DPYD: variants seen among roughly 807,000 people sequenced by gnomAD.
DPYD encodes the protein dihydropyrimidine dehydrogenase [NADP(+)].
DPYD carries 109 observed loss-of-function variants against 116.2 expected under a neutral mutation model. The ratio of observed to expected loss-of-function variants is 0.94; its 90% CI spans 0.80 to 1.10. The LOEUF (loss-of-function observed/expected upper bound fraction) is 1.10. Ranked by LOEUF, DPYD falls within the 50% of genes least tolerant of loss-of-function variation. The probability of loss-of-function intolerance (pLI) is 0.00; values close to 1 mark genes in which losing one functional copy is unlikely to be tolerated. For synonymous variants in DPYD, 440 were observed against 432.0 expected, an observed-to-expected ratio of 1.02 and a Z score of -0.23; for missense variants, 1,302 against 1,254.5, an observed-to-expected ratio of 1.04 and a Z score of -0.57.
chr1:97,217,832 A>G (rs1179605005), intron 19 of DPYD, among the ~76,000 whole-genome samples: 2 of 152,180 alleles, frequency 1.3e-5, no homozygotes, highest in Non-Finnish European at 2.9e-5. Context: ...AAAGCGGGGC[A>G]ACACCAGGGT....
intron 2 of DPYD, among the ~76,000 whole-genome samples, chr1:97,833,432 A>C (rs533538093): frequency 6.6e-6 from 1 of 152,168 alleles, no homozygotes; most frequent in Non-Finnish European, 1.5e-5. Context: ...AGAGATGACT[A>C]TGAGTTTGTT....
At chr1:97,269,828 AGG>A (rs780068481) in intron 18 of DPYD, among the ~76,000 whole-genome samples, 1 of 152,034 alleles carries the variant, frequency 6.6e-6, no homozygotes, top group Middle Eastern at 3.2e-3. Flanking sequence ...GTCACATTGG[AGG>A]TTAGGAGGTT....
At chr1:97,602,090 T>A (rs1655283788) in intron 8 of DPYD, among the ~76,000 whole-genome samples, 1 of 151,992 alleles carries the variant, frequency 6.6e-6, no homozygotes, top group Non-Finnish European at 1.5e-5. Flanking sequence ...ACAAGATTCT[T>A]TTTGTACACC....
Position 97,620,665 on chromosome 1 carries a change from T to C in DPYD, c.851-25499A>G, listed in dbSNP as rs949582959. On this transcript the variant is annotated intron_variant, in intron 8 of 22. Transcript: ENST00000370192. ...CTGGATATCTGGACAGGAATCCACA[T>C]TTACCTTTTATATTGTTCATAATTT... Among the ~76,000 whole-genome samples the C allele has an allele frequency of 2.0e-5, 3 of 152,290 alleles. No individual in the cohort carries two copies. In the South Asian group the frequency reaches 6.2e-4, roughly 32 times the overall value.
chr1:97,591,413 A>G (rs1441020653), intron 10 of DPYD, among the ~76,000 whole-genome samples: 3 of 152,228 alleles, frequency 2.0e-5, no homozygotes, highest in Non-Finnish European at 4.4e-5. Context: ...TGACTGTTGT[A>G]TCTAAGTTGC....
At chr1:97,736,650 A>G (rs1468458329) in intron 4 of DPYD, among the ~76,000 whole-genome samples, 5 of 152,176 alleles carry the variant, frequency 3.3e-5, no homozygotes, top group Non-Finnish European at 7.3e-5. Flanking sequence ...ACCCACTCAC[A>G]TTGATATTCT....
rs185797211 is a variant in DPYD at position 97,611,650 on chromosome 1, C to A, written c.851-16484G>T. Among the ~76,000 whole-genome samples the A allele has an allele frequency of 8.0e-3, 1,223 of 152,080 alleles. 8 individuals carry two copies. The highest frequency in any genetic ancestry group is 0.041 in the Middle Eastern group (12 of 294). The stretch of plus-strand genomic sequence containing the variant: ...GTTTTCAAACATTCACAATGCATCA[C>A]GTACTGTGCTAGACAAATCCGAGCC... On this transcript the variant is annotated intron_variant, in intron 8 of 22. Coordinates refer to ENST00000370192, the MANE Select transcript of DPYD (RefSeq NM_000110.4).
Position 97,546,455 on chromosome 1 carries a change from G to T in DPYD, c.1524+3105C>A, listed in dbSNP as rs1386259600. On this transcript the variant is annotated intron_variant, in intron 12 of 22. Transcript: ENST00000370192. The stretch of plus-strand genomic sequence containing the variant: ...GATTCCTGAAGTGAGAAAGATGATG[G>T]TAGTGACAGAGACTCTGATAGAGAG... 3 of 1,602,698 alleles carry T rather than the reference G, an allele frequency of 1.9e-6. No homozygotes were observed. The Admixed American group carries it at 5.0e-5, about 27-fold the overall frequency.
chr1:97,449,892 C>A (rs1009319690), intron 14 of DPYD, among the ~76,000 whole-genome samples, 167 bp downstream of exon 14: 3 of 152,122 alleles, frequency 2.0e-5, no homozygotes, highest in Non-Finnish European at 4.4e-5. Context: ...TTTATGAGTT[C>A]TTGAGCTTTT....
chr1:97,918,088 C>T (rs1361470448), intron 1 of DPYD, among the ~76,000 whole-genome samples: 1 of 152,132 alleles, frequency 6.6e-6, no homozygotes, highest in Non-Finnish European at 1.5e-5. Context: ...ACAGTACACT[C>T]ACAAAGCAAA....
chr1:97,353,642 T>C (rs1199860628), intron 16 of DPYD, among the ~76,000 whole-genome samples: 4 of 151,464 alleles, frequency 2.6e-5, no homozygotes, highest in Admixed American at 1.3e-4. Flanking sequence ...TTTTTTTTTT[T>C]TCTATGCTAC....
At chr1:97,796,092 T>A (rs1667554456) in intron 3 of DPYD, among the ~76,000 whole-genome samples, 1 of 152,058 alleles carries the variant, frequency 6.6e-6, no homozygotes, top group Non-Finnish European at 1.5e-5. Flanking sequence ...GTGAATATAC[T>A]TAACCCCATT....
At chr1:97,265,767 A>T (rs1254952273) in intron 18 of DPYD, among the ~76,000 whole-genome samples, 5 of 152,110 alleles carry the variant, frequency 3.3e-5, no homozygotes, top group Non-Finnish European at 5.9e-5. Context: ...TTCTTTAATC[A>T]TTCCAGGTCT....
chr1:97,118,238 C>T (rs1465760339), intron 20 of DPYD, among the ~76,000 whole-genome samples: 6 of 152,102 alleles, frequency 3.9e-5, no homozygotes, highest in Non-Finnish European at 5.9e-5. Flanking sequence ...CATCGTCTCC[C>T]AGTCCAGGCG....
intron 15 of DPYD, among the ~76,000 whole-genome samples, chr1:97,375,028 C>CT (rs1671532605): frequency 2.5e-5 from 1 of 40,448 alleles, no homozygotes; most frequent in Non-Finnish European, 5.9e-5. Flanking sequence ...GACTCCAGTT[C>CT]CAAAAAAAAA....
In DPYD at chr1:97,748,118, T is replaced by C. The variant is rs544163914; in HGVS notation, c.234-7639A>G. On this transcript the variant is annotated intron_variant, in intron 3 of 22. Transcript: ENST00000370192. ...AGTAGACATCTGACAAACATATACA[T>C]ATGCTTTAAGGGTTCATTTTCTCCA... 1.1e-3 allele frequency among the ~76,000 whole-genome samples: 166 copies of C among 152,240 alleles called. 1 individual carries two copies. The highest frequency in any genetic ancestry group is 3.4e-3 in the Middle Eastern group (1 of 294).
chr1:97,292,273 G>C (rs1258221718), intron 18 of DPYD, among the ~76,000 whole-genome samples: 1 of 152,122 alleles, frequency 6.6e-6, no homozygotes, highest in Non-Finnish European at 1.5e-5. Context: ...CCGAGACTGG[G>C]TAATGTATAA....
At chr1:97,283,744 C>G (rs1312798272) in intron 18 of DPYD, among the ~76,000 whole-genome samples, 2 of 152,050 alleles carry the variant, frequency 1.3e-5, no homozygotes, top group Admixed American at 1.3e-4. Context: ...CTTTCAGTCC[C>G]ATATATTATT....
At chr1:97,190,022 C>G (rs909832427) in intron 20 of DPYD, among the ~76,000 whole-genome samples, 4 of 152,122 alleles carry the variant, frequency 2.6e-5, no homozygotes, top group African/African-American at 9.7e-5. Flanking sequence ...TTTCATTGTA[C>G]AGTTTTATAA....
Sources: allele counts gnomAD v4.1 joint callset (sites outside exome capture counted in the v4.1 genomes callset), GRCh38; gene constraint gnomAD v4.1.1; transcripts MANE v1.5; gene names NCBI Gene and HGNC (gene_info 2026-07-23, HGNC 2026-07-21).